TAF12: variants seen among roughly 807,000 people sequenced by gnomAD.
TAF12 encodes the protein TATA-box binding protein associated factor 12.
Under a neutral mutation model 20.8 loss-of-function variants are expected in TAF12, and 3 were observed. That is an observed-to-expected ratio of 0.14 (90% CI 0.07 to 0.37). The LOEUF (loss-of-function observed/expected upper bound fraction) is 0.37. Among genes scored for constraint, TAF12 ranks in the 10% least tolerant of loss-of-function variants. The pLI is 1.00. For synonymous variants in TAF12, 69 were observed against 70.2 expected (o/e 0.98, Z 0.09); for missense variants, 131 against 197.9 (o/e 0.66, Z 2.03).
At chr1:28,625,991 T>C (rs964556010) in intron 1 of TAF12, among the ~76,000 whole-genome samples, 1 of 151,748 alleles carries the variant, frequency 6.6e-6, no homozygotes. Flanking sequence ...CGTCTCTTTT[T>C]TTTTTTTGAG....
intron 1 of TAF12, among the ~76,000 whole-genome samples, chr1:28,638,322 T>A (rs1053016019): frequency 9.9e-5 from 15 of 151,910 alleles, no homozygotes; most frequent in Non-Finnish European, 2.2e-4. Flanking sequence ...CCCGAGTAGC[T>A]GTGATTACAG....
chr1:28,603,311 A>C lies in TAF12; in HGVS notation c.*228T>G, dbSNP rs1666564234. The C allele has an allele frequency of 1.8e-6, 1 of 549,740 alleles. No homozygotes were observed. The highest frequency in any genetic ancestry group is 2.6e-5 in the South Asian group (1 of 37,946). 34.1% of individuals were successfully genotyped at this position (549,740 alleles called of 1,614,324 possible). ...ACAAATAAAATCTTCTCTGGAAGAT[A>C]CATTGCTCCTCTTTGAGATGGCAGG... On this transcript the variant is annotated 3_prime_UTR_variant, in exon 6 of 6. Transcript: ENST00000373824.
intron 5 of TAF12, among the ~76,000 whole-genome samples, chr1:28,604,763 G>A (rs1666609129): frequency 6.6e-6 from 1 of 152,150 alleles, no homozygotes; most frequent in Non-Finnish European, 1.5e-5. Flanking sequence ...AGCCACTTAA[G>A]TTAAGACAGA....
At chr1:28,638,478 C>T (rs1225154488) in intron 1 of TAF12, among the ~76,000 whole-genome samples, 1 of 145,434 alleles carries the variant, frequency 6.9e-6, no homozygotes, top group Non-Finnish European at 1.5e-5. Context: ...CATAAGCCAC[C>T]GCGCCCGGCC....
chr1:28,637,242 T>A (rs1667862062), intron 1 of TAF12, among the ~76,000 whole-genome samples: 1 of 152,124 alleles, frequency 6.6e-6, no homozygotes, highest in African/African-American at 2.4e-5. Flanking sequence ...ATTCTTTTTT[T>A]CTTTTTCTCT....
At chr1:28,640,982 G>A (rs958955949) in intron 1 of TAF12, among the ~76,000 whole-genome samples, 3 of 151,562 alleles carry the variant, frequency 2.0e-5, no homozygotes, top group African/African-American at 4.9e-5. Flanking sequence ...GGCAGGAGGA[G>A]TGCTTGAGCC....
chr1:28,641,458 G>A (rs1417827035), intron 1 of TAF12, among the ~76,000 whole-genome samples: 1 of 152,030 alleles, frequency 6.6e-6, no homozygotes, highest in Non-Finnish European at 1.5e-5. Context: ...ACTCCAGCCT[G>A]GGTGACTCTG....
At chr1:28,613,419 C>A in intron 3 of TAF12, 58 bp from the exon 4 acceptor site, 1 of 1,394,356 alleles carries the variant, frequency 7.2e-7, no homozygotes, top group South Asian at 1.3e-5. Flanking sequence ...GCTCCTGTTG[C>A]TGGGACAACT....
At chr1:28,647,034 A>G (rs1219339050), upstream of TAF12, among the ~76,000 whole-genome samples, 3 of 151,818 alleles carry the variant, frequency 2.0e-5, no homozygotes, top group African/African-American at 4.8e-5. Flanking sequence ...GGGTTTCACC[A>G]TGTTGGCCAG....
At position 28,621,983 on chromosome 1, in the gene TAF12, A is replaced by G. The variant is rs1292011740; in HGVS notation, c.99T>C (p.Asn33=). 2 of 1,613,946 alleles carry G rather than the reference A, an allele frequency of 1.2e-6. No homozygotes were observed. The highest frequency in any genetic ancestry group is 8.5e-7 in the Non-Finnish European group (1 of 1,180,022). The part of the protein sequence containing the change: ...ASTPPQGSMA[N]STAVVKIPGT... ...CTGGTATCTTTACCACTGCAGTACT[A>G]TTGGCCATGGAGCCTTGTGGAGGGG... Residue 33 remains asparagine (N), a synonymous_variant, in exon 2 of 6, where the codon AAT becomes AAC. Coordinates refer to ENST00000373824, the MANE Select transcript of TAF12 (RefSeq NM_005644.4).
chr1:28,638,093 T>C (rs553673161), intron 1 of TAF12, among the ~76,000 whole-genome samples: 27 of 152,030 alleles, frequency 1.8e-4, no homozygotes, highest in African/African-American at 6.0e-4. Flanking sequence ...CTCTGCCTCC[T>C]GGGTTCAAGT....
chr1:28,641,112 C>T (rs540483644), intron 1 of TAF12, among the ~76,000 whole-genome samples: 16 of 152,156 alleles, frequency 1.1e-4, no homozygotes, highest in Non-Finnish European at 1.9e-4. Context: ...TATTAAGTGA[C>T]ATTTACTGTA....
chr1:28,630,633 T>C (rs1031565482), intron 1 of TAF12, among the ~76,000 whole-genome samples: 3 of 152,110 alleles, frequency 2.0e-5, no homozygotes, highest in Non-Finnish European at 2.9e-5. Flanking sequence ...AAAACCTTCA[T>C]GACTTCGGGT....
chr1:28,612,466 T>A (rs1666893401), intron 4 of TAF12, among the ~76,000 whole-genome samples: 1 of 146,904 alleles, frequency 6.8e-6, no homozygotes, highest in Admixed American at 6.9e-5. Flanking sequence ...TATATTTATA[T>A]ATATAAAGTA....
At chr1:28,620,326 G>A (rs1368773385) in intron 2 of TAF12, among the ~76,000 whole-genome samples, 1 of 151,860 alleles carries the variant, frequency 6.6e-6, no homozygotes, top group African/African-American at 2.4e-5. Flanking sequence ...TAGAGATGGG[G>A]TTTCAGCATA....
intron 4 of TAF12, among the ~76,000 whole-genome samples, chr1:28,606,700 T>C (rs1666679540): frequency 6.6e-6 from 1 of 152,232 alleles, no homozygotes; most frequent in South Asian, 2.1e-4. Flanking sequence ...TTTATTTCTT[T>C]AGTTGTCTTA....
intron 1 of TAF12, among the ~76,000 whole-genome samples, chr1:28,623,652 CT>C: frequency 6.6e-6 from 1 of 152,202 alleles, no homozygotes; most frequent in South Asian, 2.1e-4. Context: ...AGTCACAAAG[CT>C]TAAGAATACA....
upstream of TAF12, among the ~76,000 whole-genome samples, chr1:28,645,630 G>A (rs1408671029): frequency 1.3e-5 from 2 of 149,786 alleles, no homozygotes; most frequent in African/African-American, 2.5e-5. Flanking sequence ...CCTGCGTGAC[G>A]GGAGCAAGAC....
chr1:28,642,576 C>T (rs1172223212), intron 1 of TAF12: 1 of 944,626 alleles, frequency 1.1e-6, no homozygotes, highest in African/African-American at 1.8e-5. Context: ...TGCCCCGTTT[C>T]TGAATCCTTA....
Sources: gnomAD v4.1 joint callset for allele counts (sites outside exome capture counted in the v4.1 genomes callset) on GRCh38, gnomAD v4.1.1 for gene constraint, MANE v1.5 for transcripts, NCBI Gene and HGNC (gene_info 2026-07-23, HGNC 2026-07-21) for gene names.